The following DBF4B variants were observed in gnomAD, a reference collection of about 807,000 sequenced individuals.
The protein encoded by DBF4B is protein DBF4 homolog B.
Under a neutral mutation model 53.4 loss-of-function variants are expected in DBF4B, and 49 were observed. The ratio of observed to expected loss-of-function variants is 0.92; its 90% CI spans 0.73 to 1.16. The LOEUF is 1.16. Ranked by LOEUF, DBF4B falls within the 50% of genes most tolerant of loss-of-function variation. The pLI, the probability that DBF4B is intolerant of heterozygous loss-of-function variation, is 0.00. For synonymous variants in DBF4B, 257 were observed against 288.7 expected (o/e 0.89, Z 1.11); for missense variants, 692 against 775.0 (o/e 0.89, Z 1.27).
intron 2 of DBF4B, among the ~76,000 whole-genome samples, chr17:44,710,880 T>C (rs996902072): frequency 6.6e-6 from 1 of 152,036 alleles, no homozygotes; most frequent in Admixed American, 6.6e-5. Flanking sequence ...CCCAATATTT[T>C]AGATTATACA....
At chr17:44,713,093 G>GC (rs1372518358) in intron 2 of DBF4B, among the ~76,000 whole-genome samples, 1 of 139,846 alleles carries the variant, frequency 7.2e-6, no homozygotes, top group African/African-American at 2.7e-5. Flanking sequence ...AGGCTGGAGT[G>GC]CAGTGGCGTG....
intron 3 of DBF4B, among the ~76,000 whole-genome samples, chr17:44,726,537 C>T (rs1015117963): frequency 2.0e-5 from 3 of 151,816 alleles, no homozygotes; most frequent in East Asian, 3.9e-4. Context: ...GTTAGGATTA[C>T]AGGCATGAGC....
chr17:44,711,278 C>T (rs564176449), intron 2 of DBF4B, among the ~76,000 whole-genome samples: 45 of 152,224 alleles, frequency 3.0e-4, no homozygotes, highest in African/African-American at 1.0e-3. Flanking sequence ...GCCACCACAC[C>T]TGGCCTCCAG....
chr17:44,748,519 G>T (rs776684884), intron 13 of DBF4B, 54 bp downstream of exon 13: 21 of 1,609,990 alleles, frequency 1.3e-5, no homozygotes, highest in African/African-American at 4.0e-5. Context: ...AGCTGAACGT[G>T]CAGGGACTGG....
chr17:44,717,931 G>C (rs565884897), intron 2 of DBF4B, among the ~76,000 whole-genome samples: 210 of 151,602 alleles, frequency 1.4e-3, no homozygotes, highest in Non-Finnish European at 2.4e-3. Flanking sequence ...GGAGGCTCAG[G>C]GGGAGGATCC....
In DBF4B at chr17:44,748,339, A is replaced by G; in HGVS notation, c.1065-2A>G. On this transcript the variant is annotated splice_acceptor_variant, in intron 12 of 13. Coordinates refer to ENST00000315005, the MANE Select transcript of DBF4B (RefSeq NM_145663.3). LOFTEE classifies it high-confidence loss of function. Reference sequence around the variant, plus strand: ...CAGCTCACAGTGTTTCTGTCCCAACAGGTGGTCAGGTTCCCCAGCTTCTGA... The same window carrying G: ...CAGCTCACAGTGTTTCTGTCCCAACGGGTGGTCAGGTTCCCCAGCTTCTGA... 6.3e-7 allele frequency: 1 copy of G among 1,591,784 alleles called. No individual in the cohort carries two copies. The highest frequency in any genetic ancestry group is 8.6e-7 in the Non-Finnish European group (1 of 1,168,776).
At position 44,734,164 on chromosome 17, in the gene DBF4B, G is replaced by A. The variant is rs1222429760; in HGVS notation, c.630+1G>A. ...AAAACAACAGCCAAAGAAGCCAGAG[G>A]TAGGTCATCCTGCTGAACTGAAGGA... On this transcript the variant is annotated splice_donor_variant, in intron 7 of 13. Transcript: ENST00000315005. LOFTEE classifies it high-confidence loss of function. 1 of 1,614,204 alleles carries A rather than the reference G, an allele frequency of 6.2e-7. No homozygotes were observed. Among genetic ancestry groups the A allele is most frequent in the Non-Finnish European group, 8.5e-7 (1 of 1,180,034 alleles).
intron 3 of DBF4B, among the ~76,000 whole-genome samples, chr17:44,723,400 C>A (rs1267359708): frequency 6.6e-6 from 1 of 152,066 alleles, no homozygotes; most frequent in Non-Finnish European, 1.5e-5. Context: ...CCACCACACC[C>A]AGCAGTTTCC....
chr17:44,740,955 G>GA (rs753935126), intron 9 of DBF4B, among the ~76,000 whole-genome samples: 4 of 152,066 alleles, frequency 2.6e-5, no homozygotes, highest in Admixed American at 6.6e-5. Context: ...CTAACACAGT[G>GA]AAACCCCGTC....
Position 44,733,973 on chromosome 17 carries a change from G to C in DBF4B, c.557-117G>C, listed in dbSNP as rs575803603. On this transcript the variant is annotated intron_variant, in intron 6 of 13. Transcript: ENST00000315005. ...TGTGTAGCCAGAAGGTGGCAGGCAA[G>C]GCTGGAGTGATTCAGTGGGCTGGCC... 8.6e-6 allele frequency: 7 copies of C among 809,640 alleles called. No homozygotes were observed. The South Asian group carries it at 8.9e-5, about 10-fold the overall frequency. 50.2% of individuals were successfully genotyped at this position (809,640 alleles called of 1,614,324 possible).
At chr17:44,746,627 T>C (rs1455224715) in intron 10 of DBF4B, among the ~76,000 whole-genome samples, 1 of 152,088 alleles carries the variant, frequency 6.6e-6, no homozygotes, top group East Asian at 1.9e-4. Context: ...GAGACCAACC[T>C]GGCCAACATG....
At chr17:44,750,111 G>A (rs2049242061) in intron 13 of DBF4B, 1 of 995,988 alleles carries the variant, frequency 1.0e-6, no homozygotes, top group Non-Finnish European at 1.2e-6. Context: ...CTGTTCCGGG[G>A]CCAGTGTGTC....
chr17:44,747,346 C>A (rs372702683), intron 11 of DBF4B, 45 bp from the exon 12 acceptor site: 3 of 1,611,502 alleles, frequency 1.9e-6, no homozygotes, highest in Non-Finnish European at 1.7e-6. Flanking sequence ...TCCCCCTCCC[C>A]CCAGGCCTCA....
intron 10 of DBF4B, among the ~76,000 whole-genome samples, chr17:44,742,098 AAAT>A (rs1976100151): frequency 1.3e-5 from 2 of 151,994 alleles, no homozygotes; most frequent in African/African-American, 2.4e-5. Flanking sequence ...CAAAAAATAA[AAAT>A]AAAAATGTAA....
At chr17:44,742,683 A>G (rs1477167062) in intron 10 of DBF4B, among the ~76,000 whole-genome samples, 2 of 152,168 alleles carry the variant, frequency 1.3e-5, no homozygotes, top group Non-Finnish European at 2.9e-5. Context: ...GTGAATATCA[A>G]AGTTTAAACT....
In DBF4B at chr17:44,747,449, T is replaced by C; in HGVS notation, c.998T>C (p.Val333Ala). The C allele has an allele frequency of 6.2e-7, 1 of 1,614,110 alleles. No homozygotes were observed. The highest frequency in any genetic ancestry group is 8.5e-7 in the Non-Finnish European group (1 of 1,180,028). ...CTGGAAGCCCATCTATATGCAGAAG[T>C]GGACAGGATCATTGCTCAGCTCAGC... ...FALEAHLYAE[V>A]DRIIAQLSHS... The change falls in exon 12 of 14, where the codon GTG becomes GCG. Residue 333 changes from valine to alanine, a missense_variant. Transcript: ENST00000315005.
At position 44,708,857 on chromosome 17, in the gene DBF4B, G is replaced by C; in HGVS notation, c.19+18G>C. 2 of 1,551,100 alleles carry C rather than the reference G, an allele frequency of 1.3e-6. No homozygotes were observed. Among genetic ancestry groups the C allele is most frequent in the Non-Finnish European group, 1.7e-6 (2 of 1,146,812 alleles). On this transcript the variant is annotated intron_variant, in intron 1 of 13. Transcript: ENST00000315005. Reference sequence around the variant, plus strand: ...GGGAAAGGGTACGGATGCCGGGAAGGGGAGAAAGAAAGGCGGAAGGGGTCG... The same window carrying C: ...GGGAAAGGGTACGGATGCCGGGAAGCGGAGAAAGAAAGGCGGAAGGGGTCG...
chr17:44,710,072 C>T (rs937705587), intron 2 of DBF4B, among the ~76,000 whole-genome samples: 2 of 151,786 alleles, frequency 1.3e-5, no homozygotes, highest in African/African-American at 2.4e-5. Flanking sequence ...ACTCAGGAGG[C>T]TGAGGCAGGA....
At chr17:44,714,516 C>T (rs1973161898) in intron 2 of DBF4B, among the ~76,000 whole-genome samples, 1 of 151,934 alleles carries the variant, frequency 6.6e-6, no homozygotes, top group Non-Finnish European at 1.5e-5. Flanking sequence ...AGGTATCCTT[C>T]ATTCCATTTC....
Sources: gnomAD v4.1 joint callset for allele counts (sites outside exome capture counted in the v4.1 genomes callset) on GRCh38, gnomAD v4.1.1 for gene constraint, MANE v1.5 for transcripts, NCBI Gene and HGNC (gene_info 2026-07-23, HGNC 2026-07-21) for gene names.